Variants in WHAMM observed in about 807,000 individuals in gnomAD.
The protein encoded by WHAMM is WASP homolog-associated protein with actin, membranes and microtubules.
A neutral mutation model predicts 76.5 loss-of-function variants in WHAMM; 67 were observed. The ratio of observed to expected loss-of-function variants is 0.88; its 90% confidence interval spans 0.72 to 1.07. The LOEUF (loss-of-function observed/expected upper bound fraction) is 1.07. Among genes scored for constraint, WHAMM ranks in the 50% least tolerant of loss-of-function variants. The probability of loss-of-function intolerance (pLI) is 0.00; values close to 1 mark genes in which losing one functional copy is unlikely to be tolerated. For missense variants in WHAMM, 1,021 were observed against 1,051.1 expected (o/e 0.97, Z 0.40); for synonymous variants, 419 against 422.1 (o/e 0.99, Z 0.09).
intron 5 of WHAMM, among the ~76,000 whole-genome samples, chr15:82,821,341 A>G (rs1407265026): frequency 6.6e-6 from 1 of 152,200 alleles, no homozygotes; most frequent in Non-Finnish European, 1.5e-5. Context: ...ATGTCAATAT[A>G]TGCTTATGTT....
chr15:82,816,767 CGGGCTGAA>C lies in WHAMM; in HGVS notation c.861_868del (p.Ala288SerfsTer14). On this transcript the variant is annotated frameshift_variant, in exon 3 of 10. Coordinates refer to ENST00000286760, the MANE Select transcript of WHAMM (RefSeq NM_001080435.3). LOFTEE classifies it high-confidence loss of function. ...GAAAGAAGCTGAAGAATGGACCAGA[CGGGCTGAA>C]GAAGCTGTCGTCTCTATTCAGGATA... 1 of 1,560,158 alleles carries C rather than the reference CGGGCTGAA, an allele frequency of 6.4e-7. No individual in the cohort carries two copies. The highest frequency in any genetic ancestry group is 1.4e-5 in the African/African-American group (1 of 73,664).
At position 82,809,897 on chromosome 15, in the gene WHAMM, G is replaced by C. The variant is rs551953623; in HGVS notation, c.171G>C (p.Glu57Asp). ...DRTAQQRRLR[E>D]GARLGPEPEP... ...CCGCGCAGCAGCGGCGGCTGCGCGA[G>C]GGGGCCCGGTTGGGGCCCGAGCCCG... is the stretch of plus-strand genomic sequence containing the variant. The change falls in exon 1 of 10, where the codon GAG becomes GAC. Residue 57 changes from glutamate (E) to aspartate (D), a missense_variant. By Grantham distance (45) the Glu-to-Asp change is conservative (BLOSUM62 2). Transcript: ENST00000286760. The C allele has an allele frequency of 6.4e-7, 1 of 1,550,416 alleles. No homozygotes were observed. The highest frequency in any genetic ancestry group is 1.4e-5 in the African/African-American group (1 of 70,720).
chr15:82,821,279 A>G (rs1231034938), intron 5 of WHAMM, among the ~76,000 whole-genome samples: 4 of 152,146 alleles, frequency 2.6e-5, no homozygotes, highest in Middle Eastern at 3.4e-3. Context: ...TTTTTTCCCC[A>G]TGGCTTCTGC....
intron 8 of WHAMM, among the ~76,000 whole-genome samples, chr15:82,829,094 A>G (rs1207879710): frequency 1.3e-5 from 2 of 152,210 alleles, no homozygotes; most frequent in Non-Finnish European, 2.9e-5. Context: ...TATTGCGATC[A>G]AGAAAGTTTT....
At chr15:82,825,959 C>G (rs1280722676) in intron 6 of WHAMM, among the ~76,000 whole-genome samples, 1 of 152,092 alleles carries the variant, frequency 6.6e-6, no homozygotes, top group African/African-American at 2.4e-5. Context: ...ATGTGCATAT[C>G]GCATATTATA....
rs746536863 is a variant in WHAMM, at chr15:82,826,432, G to A, written c.1481G>A (p.Arg494Gln). Residue 494 changes from arginine to glutamine, a missense_variant, in exon 7 of 10, where the codon CGG becomes CAG. Coordinates refer to ENST00000286760, the MANE Select transcript of WHAMM (RefSeq NM_001080435.3). ...SRKDQCKENH[R>Q]FRLQQAEESI... is the part of the protein sequence containing the mutation. ...CAGGATCAGTGCAAAGAAAATCATCGGTTCAGATTGCAACAGGCTGAAGAA... is the reference window on the plus strand; with the variant it reads ...CAGGATCAGTGCAAAGAAAATCATCAGTTCAGATTGCAACAGGCTGAAGAA... 26 of 1,613,956 alleles carry A rather than the reference G, an allele frequency of 1.6e-5. No homozygotes were observed. Among genetic ancestry groups the A allele is most frequent in the South Asian group, 4.4e-5 (4 of 91,072 alleles).
chr15:82,823,788 A>G (rs1013105754), intron 6 of WHAMM, among the ~76,000 whole-genome samples: 1 of 151,684 alleles, frequency 6.6e-6, no homozygotes, highest in East Asian at 1.9e-4. Context: ...CTGGTCTTGA[A>G]CTCCTGACCT....
intron 8 of WHAMM, 105 bp downstream of exon 8, chr15:82,826,951 C>G: frequency 8.4e-7 from 1 of 1,189,866 alleles, no homozygotes; most frequent in South Asian, 2.0e-5. Context: ...TCATTCAGAA[C>G]GTGAAACATT....
At position 82,818,106 on chromosome 15, in the gene WHAMM, C is replaced by T. The variant is rs1300290041; in HGVS notation, c.1104+17C>T. 1.3e-6 allele frequency: 2 copies of T among 1,525,950 alleles called. No homozygotes were observed. Among genetic ancestry groups the T allele is most frequent in the South Asian group, 2.5e-5 (2 of 81,244 alleles). 94.5% of individuals were successfully genotyped at this position (1,525,950 alleles called of 1,614,324 possible). On this transcript the variant is annotated intron_variant, in intron 4 of 9. Transcript: ENST00000286760. ...CAGGGAAAGGTAAGACAAAGATAAACATAACTTTGTTTTAAAAATACACTT... is the reference window on the plus strand; with the variant it reads ...CAGGGAAAGGTAAGACAAAGATAAATATAACTTTGTTTTAAAAATACACTT...
At chr15:82,832,705 T>C (rs1024321957) in intron 9 of WHAMM, among the ~76,000 whole-genome samples, 8 of 152,252 alleles carry the variant, frequency 5.3e-5, no homozygotes, top group Admixed American at 4.6e-4. Context: ...AGCCTTTTCA[T>C]GTGTAGAAAC....
In WHAMM at chr15:82,810,435, G is replaced by A. The variant is rs535855266; in HGVS notation, c.609+100G>A. 527 of 1,220,178 alleles carry A rather than the reference G, an allele frequency of 4.3e-4. 6 individuals carry two copies. In the South Asian group the frequency reaches 0.016, roughly 37 times the overall value. The allele number at this position is 1,220,178 out of a possible 1,614,324, so 75.6% of individuals were successfully genotyped here. ...CGAGAGCCCTGGCTGACGGCTGACGGGGAGGAGCCGGCGGGCGGAGAAGGC... is the reference window on the plus strand; with the variant it reads ...CGAGAGCCCTGGCTGACGGCTGACGAGGAGGAGCCGGCGGGCGGAGAAGGC... On this transcript the variant is annotated intron_variant, in intron 1 of 9. Transcript: ENST00000286760.
intron 5 of WHAMM, among the ~76,000 whole-genome samples, chr15:82,821,905 C>T (rs1170897776): frequency 6.6e-6 from 1 of 152,100 alleles, no homozygotes; most frequent in Admixed American, 6.5e-5. Flanking sequence ...TAAATTTCTT[C>T]ACATAGATCC....
intron 8 of WHAMM, among the ~76,000 whole-genome samples, chr15:82,829,582 A>G (rs1230694687): frequency 6.6e-6 from 1 of 152,180 alleles, no homozygotes; most frequent in African/African-American, 2.4e-5. Context: ...TGTCGCCATG[A>G]CATTGCTATT....
intron 6 of WHAMM, among the ~76,000 whole-genome samples, chr15:82,825,356 T>G (rs1194345449): frequency 2.6e-5 from 4 of 152,136 alleles, no homozygotes; most frequent in African/African-American, 9.6e-5. Flanking sequence ...TGGCAGTGTT[T>G]TTTATATATA....
chr15:82,831,054 C>T lies in WHAMM; in HGVS notation c.2097C>T (p.Asp699=), dbSNP rs757802495. Residue 699 remains aspartate (D), a synonymous_variant, in exon 9 of 10, where the codon GAC becomes GAT. Coordinates refer to ENST00000286760, the MANE Select transcript of WHAMM (RefSeq NM_001080435.3). Reference sequence around the variant, plus strand: ...AATCACCTGCTGAGCGACCACGTGACTCCTTGGAAAGTTTTTCATGTCCAG... The same window carrying T: ...AATCACCTGCTGAGCGACCACGTGATTCCTTGGAAAGTTTTTCATGTCCAG... The part of the protein sequence containing the change: ...VCESPAERPR[D]SLESFSCPGS... 58 of 1,608,460 alleles carry T rather than the reference C, an allele frequency of 3.6e-5. No homozygotes were observed. Among genetic ancestry groups the T allele is most frequent in the Non-Finnish European group, 4.8e-5 (57 of 1,179,714 alleles).
At position 82,833,369 on chromosome 15, in the gene WHAMM, A is replaced by G; in HGVS notation, c.2263A>G (p.Lys755Glu). 2 of 1,614,038 alleles carry G rather than the reference A, an allele frequency of 1.2e-6. No homozygotes were observed. Among genetic ancestry groups the G allele is most frequent in the East Asian group, 2.2e-5 (1 of 44,882 alleles). Residue 755 changes from lysine (K) to glutamate (E), a missense_variant, in exon 10 of 10, where the codon AAA (lysine) becomes GAA (glutamate). Lys to Glu is a moderately conservative substitution (Grantham distance 56). Coordinates refer to ENST00000286760, the MANE Select transcript of WHAMM (RefSeq NM_001080435.3). ...AAIRQGVKLK[K>E]VHPDLGPNPS... ...CATAAGGCAAGGGGTCAAACTGAAG[A>G]AAGTTCACCCTGATCTTGGCCCAAA...
At chr15:82,816,894 T>C in intron 3 of WHAMM, 52 bp downstream of exon 3, 1 of 1,512,698 alleles carries the variant, frequency 6.6e-7, no homozygotes, top group Non-Finnish European at 8.9e-7. Context: ...ATTATCATTT[T>C]ATTCAAATAC....
At chr15:82,829,885 TTCCTC>T (rs2050998121) in intron 8 of WHAMM, among the ~76,000 whole-genome samples, 1 of 152,218 alleles carries the variant, frequency 6.6e-6, no homozygotes, top group African/African-American at 2.4e-5. Flanking sequence ...CTTTAGGGAC[TTCCTC>T]TCAAGATTAG....
intron 4 of WHAMM, among the ~76,000 whole-genome samples, chr15:82,818,624 A>C (rs1172038690): frequency 6.6e-6 from 1 of 152,252 alleles, no homozygotes; most frequent in Non-Finnish European, 1.5e-5. Context: ...TCAAAGAGAT[A>C]CTTCACTGCA....
Sources: allele counts gnomAD v4.1 joint callset (sites outside exome capture counted in the v4.1 genomes callset), GRCh38; gene constraint gnomAD v4.1.1; transcripts MANE v1.5; gene names NCBI Gene and HGNC (gene_info 2026-07-23, HGNC 2026-07-21).